Variants in METTL2B observed in about 807,000 individuals in gnomAD.
The protein encoded by METTL2B is methyltransferase 2B, tRNA N3-cytidine, also known as tRNA N(3)-cytidine methyltransferase METTL2B.
METTL2B carries 28 observed loss-of-function variants against 51.0 expected under a neutral mutation model. The observed-to-expected ratio is 0.55, with a 90% confidence interval of 0.41 to 0.75. METTL2B has a LOEUF of 0.75. METTL2B is among the 30% of genes least tolerant of loss of function. The pLI is 0.00. For missense variants in METTL2B, 313 were observed against 460.7 expected, an observed-to-expected ratio of 0.68 and a Z score of 2.93; for synonymous variants, 128 against 166.3, an observed-to-expected ratio of 0.77 and a Z score of 1.77.
At chr7:128,495,184 G>T (rs890845139) in intron 6 of METTL2B, among the ~76,000 whole-genome samples, 1 of 150,812 alleles carries the variant, frequency 6.6e-6, no homozygotes, top group African/African-American at 2.4e-5. Context: ...GCCTCCCAAA[G>T]TGCTGGGATT....
At position 128,479,173 on chromosome 7, in the gene METTL2B, A is replaced by G. The variant is rs558538474; in HGVS notation, c.218A>G (p.Asn73Ser). Residue 73 changes from asparagine (N) to serine (S), a missense_variant, in exon 3 of 9, where the codon AAT becomes AGT. Transcript: ENST00000262432. ...CQEKQVDYEI[N>S]AHKYWNDFYK... ...ATATTTACAGTTGATTATGAGATCA[A>G]TGCCCACAAATACTGGAATGACTTC... The G allele has an allele frequency of 6.9e-5, 111 of 1,612,236 alleles. No individual in the cohort carries two copies. In the East Asian group the frequency reaches 1.3e-3, roughly 19 times the overall value.
chr7:128,502,135 C>T lies in METTL2B; in HGVS notation c.*219C>T, dbSNP rs868195729. 13 of 555,404 alleles carry T rather than the reference C, an allele frequency of 2.3e-5. No individual in the cohort carries two copies. In the South Asian group the frequency reaches 2.9e-4, roughly 12 times the overall value. 34.4% of individuals were successfully genotyped at this position (555,404 alleles called of 1,614,324 possible). A position where few individuals can be genotyped will look rare whatever the true frequency, so the allele number is the denominator to read the frequency against. ...AATAAAAAGAATATAAATGAGGTCT[C>T]GTTGATGCTGGACAATTCAAGAATT... On this transcript the variant is annotated 3_prime_UTR_variant, in exon 9 of 9. Transcript: ENST00000262432.
At chr7:128,501,590 C>T (rs1044888946) in intron 8 of METTL2B, 172 bp from the exon 9 acceptor site, 2 of 985,304 alleles carry the variant, frequency 2.0e-6, no homozygotes, top group African/African-American at 1.7e-5. Flanking sequence ...AGTGGCTTCC[C>T]CTACCTAAAC....
At chr7:128,481,332 G>A (rs1277605114) in intron 4 of METTL2B, among the ~76,000 whole-genome samples, 3 of 152,180 alleles carry the variant, frequency 2.0e-5, no homozygotes. Context: ...TTAAGGGTTC[G>A]GTCCCAGAAG....
At chr7:128,487,311 A>G (rs915010815) in intron 4 of METTL2B, among the ~76,000 whole-genome samples, 21 of 152,202 alleles carry the variant, frequency 1.4e-4, no homozygotes, top group African/African-American at 5.1e-4. Flanking sequence ...TATGAGCCCA[A>G]CAGTGCAGAA....
chr7:128,490,036 T>G (rs1452642332), intron 5 of METTL2B, among the ~76,000 whole-genome samples: 1 of 152,160 alleles, frequency 6.6e-6, no homozygotes, highest in Non-Finnish European at 1.5e-5. Context: ...TTGCCCACAG[T>G]AGAGCTTCTT....
intron 5 of METTL2B, among the ~76,000 whole-genome samples, chr7:128,490,847 A>G (rs1213545814): frequency 6.6e-6 from 1 of 152,180 alleles, no homozygotes; most frequent in Non-Finnish European, 1.5e-5. Context: ...GAAGATGGAC[A>G]TTGAGGGTAG....
In METTL2B at chr7:128,502,399, A is replaced by G; in HGVS notation, c.*483A>G. On this transcript the variant is annotated 3_prime_UTR_variant, in exon 9 of 9. Transcript: ENST00000262432. ...ATATGACAAGTGTTTTTTGATTGTA[A>G]TTGCGTTAAATCTTTTGAGAGTGTA... is the stretch of plus-strand genomic sequence containing the variant. The G allele has an allele frequency of 3.4e-6, 1 of 293,916 alleles. No homozygotes were observed. The highest frequency in any genetic ancestry group is 6.7e-6 in the Non-Finnish European group (1 of 149,420). The allele number at this position is 293,916 out of a possible 1,614,324, so 18.2% of individuals were successfully genotyped here. A position where few individuals can be genotyped will look rare whatever the true frequency, so the allele number is the denominator to read the frequency against.
At chr7:128,499,989 C>T (rs531825576) in intron 7 of METTL2B, among the ~76,000 whole-genome samples, 1 of 152,238 alleles carries the variant, frequency 6.6e-6, no homozygotes, top group African/African-American at 2.4e-5. Flanking sequence ...TACCACTGAA[C>T]TTGGAGGGAT....
intron 4 of METTL2B, among the ~76,000 whole-genome samples, chr7:128,485,507 C>CA (rs962519357): frequency 6.6e-6 from 1 of 150,972 alleles, no homozygotes; most frequent in Non-Finnish European, 1.5e-5. Context: ...ACTCAAAATA[C>CA]AAAAAAAAAT....
chr7:128,484,217 C>CTTTTTTTTTTTTTTTTTTGTTTT (rs1792642540), intron 4 of METTL2B: 3 of 42,414 alleles, frequency 7.1e-5, no homozygotes, highest in African/African-American at 3.0e-4. Flanking sequence ...TGCCTAGATC[C>CTTTTTTTTTTTTTTTTTTGTTTT]TTTTTTTTTT....
chr7:128,500,984 C>T lies in METTL2B; in HGVS notation c.982+16C>T, dbSNP rs1334312024. On this transcript the variant is annotated intron_variant, in intron 8 of 8. Transcript: ENST00000262432. ...TTCACACAAGGTATGAAACACTCAT[C>T]TTTTTACGCTAAAAGTCCCCAGTAC... 2 of 1,614,024 alleles carry T rather than the reference C, an allele frequency of 1.2e-6. No individual in the cohort carries two copies. Among genetic ancestry groups the T allele is most frequent in the Non-Finnish European group, 1.7e-6 (2 of 1,179,968 alleles).
chr7:128,499,263 G>A (rs1792981711), intron 7 of METTL2B, among the ~76,000 whole-genome samples: 1 of 152,074 alleles, frequency 6.6e-6, no homozygotes, highest in Non-Finnish European at 1.5e-5. Flanking sequence ...ACACTTCAAG[G>A]AAATAAAAAT....
At chr7:128,498,395 T>G (rs1792964683) in intron 7 of METTL2B, among the ~76,000 whole-genome samples, 1 of 151,602 alleles carries the variant, frequency 6.6e-6, no homozygotes, top group Admixed American at 6.6e-5. Context: ...CTAATGTAGA[T>G]GACGGGTAGA....
At chr7:128,499,581 C>T (rs1167689535) in intron 7 of METTL2B, among the ~76,000 whole-genome samples, 1 of 134,894 alleles carries the variant, frequency 7.4e-6, no homozygotes, top group East Asian at 2.3e-4. Flanking sequence ...CGCAATGGCA[C>T]GATCTCGGCT....
At position 128,504,210 on chromosome 7, in the gene METTL2B, T is replaced by C. The variant is rs1025528200; in HGVS notation, c.*2294T>C. The C allele has an allele frequency of 2.4e-4, 37 of 152,042 alleles. No individual in the cohort carries two copies. Among genetic ancestry groups the C allele is most frequent in the African/African-American group, 8.9e-4 (37 of 41,392 alleles). The allele number at this position is 152,042 out of a possible 1,614,324, so 9.4% of individuals were successfully genotyped here. A position where few individuals can be genotyped will look rare whatever the true frequency, so the allele number is the denominator to read the frequency against. Reference sequence around the variant, plus strand: ...CATGTTTACCCAGTAGTCCCAATAATAGCTTTGTCACACAAAAACATGATT... The same window carrying C: ...CATGTTTACCCAGTAGTCCCAATAACAGCTTTGTCACACAAAAACATGATT... On this transcript the variant is annotated 3_prime_UTR_variant, in exon 9 of 9. Coordinates refer to ENST00000262432, the MANE Select transcript of METTL2B (RefSeq NM_018396.3).
rs763259775 is a variant in METTL2B, at chr7:128,477,083, G to C, written c.112G>C (p.Asp38His). 6.2e-7 allele frequency: 1 copy of C among 1,614,176 alleles called. No homozygotes were observed. The highest frequency in any genetic ancestry group is 8.5e-7 in the Non-Finnish European group (1 of 1,180,032). The change falls in exon 2 of 9, where the codon GAC becomes CAC. Residue 38 changes from aspartate (D) to histidine (H), a missense_variant and splice_region_variant. By Grantham distance (81) the Asp-to-His change is moderately conservative. Transcript: ENST00000262432. Reference protein sequence around the residue: ...PARVFHHNAWDNVEWSEEQAA... With the variant: ...PARVFHHNAWHNVEWSEEQAA... The stretch of plus-strand genomic sequence containing the variant: ...AAGCTGCCCGTTTGATTTTCTCAGG[G>C]ACAATGTGGAGTGGTCGGAAGAGCA...
At chr7:128,482,278 C>G (rs1415622173) in intron 4 of METTL2B, among the ~76,000 whole-genome samples, 1 of 152,130 alleles carries the variant, frequency 6.6e-6, no homozygotes, top group Admixed American at 6.5e-5. Context: ...CTCAGCCTCC[C>G]TAGTAGCTGG....
At chr7:128,497,441 T>C (rs62481140) in intron 6 of METTL2B, among the ~76,000 whole-genome samples, 27,420 of 152,120 alleles carry the variant, frequency 0.18, 2,803 homozygotes, top group South Asian at 0.27. Context: ...TCTAGGACAG[T>C]GGGGAAGTGA....
Sources: allele counts gnomAD v4.1 joint callset (sites outside exome capture counted in the v4.1 genomes callset), GRCh38; gene constraint gnomAD v4.1.1; transcripts MANE v1.5; gene names NCBI Gene and HGNC (gene_info 2026-07-23, HGNC 2026-07-21).